The following VAV2 variants were observed in gnomAD, a reference collection of about 807,000 sequenced individuals.
The protein encoded by VAV2 is vav guanine nucleotide exchange factor 2.
A neutral mutation model predicts 132.5 loss-of-function variants in VAV2; 67 were observed. That is an observed-to-expected ratio of 0.51 (90% CI 0.42 to 0.62). The LOEUF is 0.62. Ranked by LOEUF, VAV2 falls within the 20% of genes least tolerant of loss-of-function variation. The pLI, the probability that VAV2 is intolerant of heterozygous loss-of-function variation, is 0.00. For missense variants in VAV2, 938 were observed against 1,153.6 expected (o/e 0.81, Z 2.71); for synonymous variants, 492 against 443.5 (o/e 1.11, Z -1.37).
At chr9:133,783,694 G>A (rs2131598623) in intron 18 of VAV2, 103 bp from the exon 19 acceptor site, 4 of 1,036,568 alleles carry the variant, frequency 3.9e-6, no homozygotes, top group African/African-American at 1.6e-5. Flanking sequence ...CACCTGGCTG[G>A]CTGTCTCCCA....
chr9:133,973,956 G>C (rs187912418), intron 1 of VAV2, among the ~76,000 whole-genome samples: 1 of 152,200 alleles, frequency 6.6e-6, no homozygotes, highest in Non-Finnish European at 1.5e-5. Context: ...GGATCCAGCA[G>C]GTCAGAGTCC....
chr9:133,873,507 C>T (rs1197268428), intron 2 of VAV2, among the ~76,000 whole-genome samples: 2 of 152,354 alleles, frequency 1.3e-5, no homozygotes, highest in East Asian at 3.9e-4. Context: ...CAGACGCTGC[C>T]TGTGAAAGCA....
rs377300082 is a variant in VAV2 at position 133,787,272 on chromosome 9, G to C, written c.1408-12C>G. Reference sequence around the variant, plus strand: ...ATTTTCCCGTGAGACTAGGAAGCATGGAGAGGAGAGGAAGGGGAAGACGGT... The same window carrying C: ...ATTTTCCCGTGAGACTAGGAAGCATCGAGAGGAGAGGAAGGGGAAGACGGT... On this transcript the variant is annotated splice_polypyrimidine_tract_variant and intron_variant, in intron 15 of 29. Transcript: ENST00000371850. The C allele has an allele frequency of 6.3e-7, 1 of 1,584,284 alleles. No homozygotes were observed. The highest frequency in any genetic ancestry group is 2.3e-5 in the East Asian group (1 of 43,588).
intron 24 of VAV2, among the ~76,000 whole-genome samples, chr9:133,775,291 A>C (rs1833774225): frequency 6.6e-6 from 1 of 152,156 alleles, no homozygotes; most frequent in Admixed American, 6.5e-5. Context: ...AGATCTTGAG[A>C]GGGGTTAAAT....
In VAV2 at chr9:133,826,343, C is replaced by A. The variant is rs907669224; in HGVS notation, c.449+7929G>T. Reference sequence around the variant, plus strand: ...CAAGCCCTCGCCCAGAGCCCTGGCCCCAGAATCTCCCTCCCCGCTCGCACT... The same window carrying A: ...CAAGCCCTCGCCCAGAGCCCTGGCCACAGAATCTCCCTCCCCGCTCGCACT... On this transcript the variant is annotated intron_variant, in intron 4 of 29. Coordinates refer to ENST00000371850, the MANE Select transcript of VAV2 (RefSeq NM_001134398.2). The surrounding 1 kb of genome is among the most constrained non-coding windows in gnomAD (Gnocchi z 4.2). Among the ~76,000 whole-genome samples the A allele has an allele frequency of 1.3e-5, 2 of 152,190 alleles. No individual in the cohort carries two copies. Among genetic ancestry groups the A allele is most frequent in the Non-Finnish European group, 2.9e-5 (2 of 68,026 alleles).
chr9:133,770,604 C>T (rs1211377678), intron 26 of VAV2, 103 bp from the exon 27 acceptor site: 23 of 1,527,786 alleles, frequency 1.5e-5, no homozygotes, highest in Non-Finnish European at 2.0e-5. Context: ...GTGGGGGAGA[C>T]TAGCTTCCTG....
In VAV2 at chr9:133,795,588, G is replaced by C. The variant is rs563473112; in HGVS notation, c.1101+80C>G. 2.1e-5 allele frequency: 33 copies of C among 1,542,640 alleles called. No individual in the cohort carries two copies. The East Asian group carries it at 7.0e-4, about 33-fold the overall frequency. Reference sequence around the variant, plus strand: ...CTGTCCACAGTCAAAACTGAGGCTCGTTAATGAGCCCAATTCCAGTCCAAG... The same window carrying C: ...CTGTCCACAGTCAAAACTGAGGCTCCTTAATGAGCCCAATTCCAGTCCAAG... On this transcript the variant is annotated intron_variant, in intron 12 of 29. Transcript: ENST00000371850.
Position 133,768,407 on chromosome 9 carries a change from G to A in VAV2, c.2589+35C>T. On this transcript the variant is annotated intron_variant, in intron 29 of 29. Transcript: ENST00000371850. This position sits in a 1 kb window ranked among gnomAD's most constrained non-coding sequence, Gnocchi z 5.3. ...CCCGACCAGGTAGGGGCTGCAGCGAGGCCAGCCCCACACCCTCAGGGTGGG... is the reference window on the plus strand; with the variant it reads ...CCCGACCAGGTAGGGGCTGCAGCGAAGCCAGCCCCACACCCTCAGGGTGGG... 1 of 1,604,866 alleles carries A rather than the reference G, an allele frequency of 6.2e-7. No homozygotes were observed. The highest frequency in any genetic ancestry group is 8.5e-7 in the Non-Finnish European group (1 of 1,177,280).
chr9:133,775,540 T>C (rs1470277363), intron 24 of VAV2, among the ~76,000 whole-genome samples: 2 of 152,180 alleles, frequency 1.3e-5, no homozygotes, highest in East Asian at 1.9e-4. Context: ...ACGAAGCTCT[T>C]CCTGCCACCT....
intron 2 of VAV2, among the ~76,000 whole-genome samples, chr9:133,889,198 C>G (rs911060274): frequency 6.6e-5 from 10 of 152,138 alleles, no homozygotes; most frequent in African/African-American, 2.4e-4. Context: ...CCCAGACAAG[C>G]TGACCCCCAG....
At chr9:133,895,648 G>T (rs1470214542) in intron 2 of VAV2, among the ~76,000 whole-genome samples, 3 of 152,148 alleles carry the variant, frequency 2.0e-5, no homozygotes, top group Non-Finnish European at 2.9e-5. Flanking sequence ...GGAAATTTGG[G>T]GGGGATGAGG....
At chr9:133,887,750 T>C (rs1010342011) in intron 2 of VAV2, among the ~76,000 whole-genome samples, 15 of 151,914 alleles carry the variant, frequency 9.9e-5, no homozygotes, top group Non-Finnish European at 2.1e-4. Flanking sequence ...GACACGGCGA[T>C]CAGCGAGGCC....
At chr9:133,859,676 G>A (rs948541402) in intron 3 of VAV2, among the ~76,000 whole-genome samples, 1 of 151,130 alleles carries the variant, frequency 6.6e-6, no homozygotes, top group African/African-American at 2.4e-5. Flanking sequence ...GTATAACCAC[G>A]CCACTGACAG....
intron 2 of VAV2, among the ~76,000 whole-genome samples, chr9:133,887,894 C>A (rs990705045): frequency 6.6e-6 from 1 of 151,998 alleles, no homozygotes; most frequent in African/African-American, 2.4e-5. Context: ...GAAGGAAAGA[C>A]GAGGCGCATT....
intron 10 of VAV2, among the ~76,000 whole-genome samples, chr9:133,797,177 A>T (rs919206708): frequency 6.6e-6 from 1 of 152,160 alleles, no homozygotes; most frequent in Non-Finnish European, 1.5e-5. Context: ...CGTGAGAAAC[A>T]CTAGATGTTG....
intron 2 of VAV2, among the ~76,000 whole-genome samples, chr9:133,874,606 G>A (rs1838189810): frequency 6.6e-6 from 1 of 152,114 alleles, no homozygotes; most frequent in Admixed American, 6.5e-5. Context: ...GTGGGGTTAT[G>A]GGAACAGCAC....
intron 1 of VAV2, among the ~76,000 whole-genome samples, chr9:133,978,122 G>T (rs532776478): frequency 1.3e-5 from 2 of 152,378 alleles, no homozygotes; most frequent in East Asian, 3.9e-4. Context: ...CACGGTGTTC[G>T]AGGGTGAGGC....
At chr9:133,916,578 G>A (rs1293295862) in intron 2 of VAV2, among the ~76,000 whole-genome samples, 3 of 152,082 alleles carry the variant, frequency 2.0e-5, no homozygotes, top group African/African-American at 7.2e-5. Context: ...TGATATGGAT[G>A]GAGAAGGGGA....
At chr9:133,964,862 A>G (rs796425135) in intron 1 of VAV2, among the ~76,000 whole-genome samples, 77 of 152,330 alleles carry the variant, frequency 5.1e-4, no homozygotes, top group African/African-American at 1.7e-3. Flanking sequence ...CATAGCTAAC[A>G]TTATACTGAA....
Sources: gnomAD v4.1 joint callset for allele counts (sites outside exome capture counted in the v4.1 genomes callset) on GRCh38, gnomAD v4.1.1 for gene constraint, Gnocchi (gnomAD v3.1) non-coding constraint, MANE v1.5 for transcripts, NCBI Gene and HGNC (gene_info 2026-07-23, HGNC 2026-07-21) for gene names.